The following INPP5D variants were observed in gnomAD, a reference collection of about 807,000 sequenced individuals.
INPP5D encodes phosphatidylinositol 3,4,5-trisphosphate 5-phosphatase 1.
INPP5D carries 33 observed loss-of-function variants against 122.9 expected under a neutral mutation model. That is an observed-to-expected ratio of 0.27 (90% CI 0.20 to 0.36). The LOEUF (loss-of-function observed/expected upper bound fraction) is 0.36, where lower values mean the gene tolerates loss of function less well. INPP5D is among the 10% of genes least tolerant of loss of function. The probability of loss-of-function intolerance (pLI) is 1.00; values close to 1 mark genes in which losing one functional copy is unlikely to be tolerated. For missense variants in INPP5D, 1,053 were observed against 1,412.7 expected (o/e 0.75, Z 4.08); for synonymous variants, 584 against 576.2 (o/e 1.01, Z -0.19).
chr2:233,141,293 G>A (rs879111226), intron 6 of INPP5D: 20,125 of 152,202 alleles, frequency 0.13, 2,164 homozygotes, highest in East Asian at 0.48. Flanking sequence ...CAGGCCAGGC[G>A]TGGTAGTTCA....
chr2:233,184,758 G>T (rs1694867126), intron 20 of INPP5D, among the ~76,000 whole-genome samples: 1 of 152,170 alleles, frequency 6.6e-6, no homozygotes, highest in African/African-American at 2.4e-5. Flanking sequence ...TGACCCCCCA[G>T]TCCCTTGTAG....
At chr2:233,184,822 G>T (rs1559340274) in intron 20 of INPP5D, among the ~76,000 whole-genome samples, 2 of 152,152 alleles carry the variant, frequency 1.3e-5, no homozygotes, top group Non-Finnish European at 2.9e-5. Flanking sequence ...ACCCACTCTA[G>T]GTTCCCTGCA....
chr2:233,157,343 G>A (rs1034439306), intron 9 of INPP5D, among the ~76,000 whole-genome samples: 2 of 152,114 alleles, frequency 1.3e-5, no homozygotes, highest in East Asian at 3.8e-4. Flanking sequence ...CAGAAGCTCT[G>A]GGAAAGGCTC....
Position 233,122,179 on chromosome 2 carries a change from A to T in INPP5D, c.271A>T (p.Met91Leu), listed in dbSNP as rs1435956129. 2 of 1,613,886 alleles carry T rather than the reference A, an allele frequency of 1.2e-6. No homozygotes were observed. The change falls in exon 3 of 27, where the codon ATG (methionine) becomes TTG (leucine). Residue 91 changes from methionine to leucine, a missense_variant. Physicochemically the swap from Met to Leu is conservative, Grantham distance 15 (BLOSUM62 2). Coordinates refer to ENST00000445964, the MANE Select transcript of INPP5D (RefSeq NM_001017915.3). ...QLIEFYKKENMGLVTHLQYPV... is the reference protein window; with the variant it reads ...QLIEFYKKENLGLVTHLQYPV... Reference sequence around the variant, plus strand: ...CATCGAGTTTTACAAGAAGGAAAACATGGGGCTGGTGACCCATCTGCAATA... The same window carrying T: ...CATCGAGTTTTACAAGAAGGAAAACTTGGGGCTGGTGACCCATCTGCAATA...
At position 233,170,639 on chromosome 2, in the gene INPP5D, C is replaced by T. The variant is rs745642068; in HGVS notation, c.1900+35C>T. On this transcript the variant is annotated intron_variant, in intron 16 of 26. Transcript: ENST00000445964. This position sits in a 1 kb window ranked among gnomAD's most constrained non-coding sequence, Gnocchi z 4.5. The stretch of plus-strand genomic sequence containing the variant: ...GCAACCCCGGCTGGGAGCGGTGGCT[C>T]ACACCTGTAATCCCAGCACTTTAGG... The T allele has an allele frequency of 9.9e-6, 16 of 1,608,044 alleles. No homozygotes were observed. Among genetic ancestry groups the T allele is most frequent in the Non-Finnish European group, 1.2e-5 (14 of 1,177,076 alleles).
chr2:233,137,047 C>CA (rs1166292521), intron 5 of INPP5D, among the ~76,000 whole-genome samples: 1 of 152,066 alleles, frequency 6.6e-6, no homozygotes, highest in Non-Finnish European at 1.5e-5. Context: ...TCCTGAATGA[C>CA]AAAAAAGTCA....
intron 18 of INPP5D, among the ~76,000 whole-genome samples, chr2:233,179,862 A>C (rs1417528184): frequency 6.6e-6 from 1 of 152,200 alleles, no homozygotes; most frequent in Non-Finnish European, 1.5e-5. Flanking sequence ...TCAGCTGTCT[A>C]TTGCTGCATA....
At chr2:233,178,985 C>T (rs1027324600) in intron 18 of INPP5D, among the ~76,000 whole-genome samples, 1 of 152,192 alleles carries the variant, frequency 6.6e-6, no homozygotes, top group African/African-American at 2.4e-5. Flanking sequence ...ACTTCCATTC[C>T]AGTGCCTGTC....
In INPP5D at chr2:233,204,447, G is replaced by A. The variant is rs775211281; in HGVS notation, c.3297G>A (p.Gly1099=). ...CTGCCGAGGGCAGGGCGGCCGGCGG[G>A]GACAAGAGCCAAGGGAAGCCCAAGA... The part of the protein sequence containing the change: ...SSSAEGRAAG[G]DKSQGKPKTP... The change falls in exon 26 of 27, where the codon GGG becomes GGA. Residue 1099 remains glycine, a synonymous_variant. Transcript: ENST00000445964. 6.9e-6 allele frequency: 11 copies of A among 1,599,862 alleles called. No individual in the cohort carries two copies. Among genetic ancestry groups the A allele is most frequent in the Non-Finnish European group, 8.5e-6 (10 of 1,174,232 alleles).
chr2:233,147,888 G>T (rs1693810855), intron 9 of INPP5D, among the ~76,000 whole-genome samples: 1 of 152,208 alleles, frequency 6.6e-6, no homozygotes, highest in Non-Finnish European at 1.5e-5. Flanking sequence ...ATGGACTCTG[G>T]AACCAAACTG....
At chr2:233,181,468 G>C (rs938958321) in intron 18 of INPP5D, among the ~76,000 whole-genome samples, 2 of 152,046 alleles carry the variant, frequency 1.3e-5, no homozygotes, top group Non-Finnish European at 2.9e-5. Flanking sequence ...ACATGCTCAG[G>C]TCTTCTGCTT....
chr2:233,074,833 A>G (rs562049041), intron 1 of INPP5D, among the ~76,000 whole-genome samples: 18 of 152,194 alleles, frequency 1.2e-4, no homozygotes, highest in Non-Finnish European at 2.4e-4. Flanking sequence ...AGGTTCTTGA[A>G]TTTTATAGTT....
intron 3 of INPP5D, among the ~76,000 whole-genome samples, chr2:233,124,747 A>C (rs528447774): frequency 9.2e-5 from 14 of 152,274 alleles, no homozygotes; most frequent in Non-Finnish European, 1.9e-4. Flanking sequence ...TGTCTGGAGG[A>C]AGATCCCGAC....
chr2:233,099,606 G>T (rs917353753), intron 2 of INPP5D, among the ~76,000 whole-genome samples: 2 of 152,200 alleles, frequency 1.3e-5, no homozygotes, highest in African/African-American at 4.8e-5. Flanking sequence ...TCACAATCTG[G>T]TGGCCCCTAT....
chr2:233,129,443 G>A (rs1693255481), intron 4 of INPP5D, among the ~76,000 whole-genome samples: 1 of 152,192 alleles, frequency 6.6e-6, no homozygotes, highest in African/African-American at 2.4e-5. Flanking sequence ...AAAAGGTGCT[G>A]GAAGATAGAA....
At position 233,060,351 on chromosome 2, in the gene INPP5D, G is replaced by T; in HGVS notation, c.-128G>T. 1 of 1,065,702 alleles carries T rather than the reference G, an allele frequency of 9.4e-7. No homozygotes were observed. Among genetic ancestry groups the T allele is most frequent in the Non-Finnish European group, 1.3e-6 (1 of 749,470 alleles). 66.0% of individuals were successfully genotyped at this position (1,065,702 alleles called of 1,614,324 possible). A position where few individuals can be genotyped will look rare whatever the true frequency, so the allele number is the denominator to read the frequency against. ...AAACAGGAAGTCAGTCAGTTAAGCT[G>T]GTGGCAGCAGCCGAGGCCACCAAGA... On this transcript the variant is annotated 5_prime_UTR_variant, in exon 1 of 27. Coordinates refer to ENST00000445964, the MANE Select transcript of INPP5D (RefSeq NM_001017915.3).
chr2:233,193,967 C>T lies in INPP5D; in HGVS notation c.2596+6C>T. On this transcript the variant is annotated splice_donor_region_variant and intron_variant, in intron 23 of 26. Transcript: ENST00000445964. The stretch of plus-strand genomic sequence containing the variant: ...GACGAGGGAGAAGCTCTATGGTAAG[C>T]AGCAAGCCCCTCCCCAGCGCCCTCT... The T allele has an allele frequency of 6.3e-7, 1 of 1,588,370 alleles. No homozygotes were observed. Among genetic ancestry groups the T allele is most frequent in the Non-Finnish European group, 8.6e-7 (1 of 1,163,576 alleles).
intron 17 of INPP5D, among the ~76,000 whole-genome samples, chr2:233,174,685 A>G (rs1003697209): frequency 2.0e-5 from 3 of 151,882 alleles, no homozygotes; most frequent in Admixed American, 2.0e-4. Context: ...CCAGCTACTC[A>G]GAAGGCTGAG....
intron 2 of INPP5D, among the ~76,000 whole-genome samples, chr2:233,088,848 A>C (rs373952643): frequency 2.0e-5 from 3 of 152,160 alleles, no homozygotes; most frequent in Admixed American, 6.5e-5. Context: ...GATTGACAGC[A>C]AGGCCATCCA....
Sources: gnomAD v4.1 joint callset for allele counts (sites outside exome capture counted in the v4.1 genomes callset) on GRCh38, gnomAD v4.1.1 for gene constraint, Gnocchi (gnomAD v3.1) non-coding constraint, MANE v1.5 for transcripts, NCBI Gene and HGNC (gene_info 2026-07-23, HGNC 2026-07-21) for gene names.